SULT6B1: variants seen among roughly 807,000 people sequenced by gnomAD.
SULT6B1 encodes the protein sulfotransferase family 6B member 1.
SULT6B1 carries 44 observed loss-of-function variants against 37.2 expected under a neutral mutation model. The ratio of observed to expected loss-of-function variants is 1.18; its 90% CI spans 0.93 to 1.52. SULT6B1 has a LOEUF of 1.52. SULT6B1 is among the 40% of genes most tolerant of loss of function. The pLI, the probability that SULT6B1 is intolerant of heterozygous loss-of-function variation, is 0.00. For missense variants in SULT6B1, 450 were observed against 361.0 expected (o/e 1.25, Z -2.00); for synonymous variants, 140 against 126.0 (o/e 1.11, Z -0.74).
chr2:37,170,594 C>A (rs1027341303), intron 6 of SULT6B1, among the ~76,000 whole-genome samples: 9 of 151,356 alleles, frequency 5.9e-5, no homozygotes, highest in Middle Eastern at 3.2e-3. Context: ...TATGGCAAAA[C>A]CCTGTCTCTA....
At chr2:37,189,767 C>G (rs538200037), upstream of SULT6B1, 3 of 152,380 alleles carry the variant, frequency 2.0e-5, no homozygotes, top group South Asian at 6.2e-4. Flanking sequence ...CCACTCTCCC[C>G]TTTTTCCTTT....
chr2:37,188,214 A>C (rs573484867), intron 1 of SULT6B1, among the ~76,000 whole-genome samples: 1 of 152,010 alleles, frequency 6.6e-6, no homozygotes, highest in Middle Eastern at 3.4e-3. Context: ...ATCCTCCATC[A>C]TGGCCTTTCC....
chr2:37,174,353 G>C (rs889170665), intron 5 of SULT6B1, among the ~76,000 whole-genome samples: 1 of 147,466 alleles, frequency 6.8e-6, no homozygotes, highest in Admixed American at 7.1e-5. Context: ...TCCTGTCTCA[G>C]CTTCCTGAGT....
At chr2:37,173,673 C>A (rs1361601796) in intron 5 of SULT6B1, among the ~76,000 whole-genome samples, 3 of 152,168 alleles carry the variant, frequency 2.0e-5, no homozygotes, top group Non-Finnish European at 4.4e-5. Context: ...TACTTGACTT[C>A]TCTCCTTGTC....
At chr2:37,191,974 G>A (rs369419817), upstream of SULT6B1, among the ~76,000 whole-genome samples, 10 of 152,176 alleles carry the variant, frequency 6.6e-5, no homozygotes, top group South Asian at 4.1e-4. Context: ...GTGGAAGCAG[G>A]TCGTGGCATG....
intron 1 of SULT6B1, 69 bp from the exon 2 acceptor site, chr2:37,187,536 C>A: frequency 1.1e-6 from 1 of 877,304 alleles, no homozygotes; most frequent in Non-Finnish European, 1.7e-6. Context: ...GTTACTTTAG[C>A]ATATACATGA....
chr2:37,191,241 A>G (rs1485140401), upstream of SULT6B1: 1 of 131,854 alleles, frequency 7.6e-6, no homozygotes, highest in Admixed American at 8.6e-5. Flanking sequence ...AAACAAGGCC[A>G]TGGCATTTTT....
At chr2:37,179,046 C>A (rs1420017250) in intron 4 of SULT6B1, among the ~76,000 whole-genome samples, 3 of 152,182 alleles carry the variant, frequency 2.0e-5, no homozygotes, top group Non-Finnish European at 4.4e-5. Flanking sequence ...GCAATCCCTG[C>A]CTTCTGGGTA....
chr2:37,193,497 T>A (rs1349585319), upstream of SULT6B1, among the ~76,000 whole-genome samples: 1 of 151,080 alleles, frequency 6.6e-6, no homozygotes, highest in African/African-American at 2.4e-5. Flanking sequence ...TTTATTTCCT[T>A]GGCATTAAAG....
chr2:37,168,666 A>G (rs1317320152), intron 6 of SULT6B1, among the ~76,000 whole-genome samples: 1 of 152,192 alleles, frequency 6.6e-6, no homozygotes, highest in Non-Finnish European at 1.5e-5. Context: ...TTCTCTGTAA[A>G]GTCTCTTAAA....
chr2:37,187,170 G>C (rs1676691580), intron 2 of SULT6B1, among the ~76,000 whole-genome samples, 185 bp downstream of exon 2: 1 of 152,138 alleles, frequency 6.6e-6, no homozygotes, highest in Non-Finnish European at 1.5e-5. Flanking sequence ...TTTGTGAAAT[G>C]GTAATAAGGT....
At position 37,171,425 on chromosome 2, in the gene SULT6B1, C is replaced by T. The variant is rs749442091; in HGVS notation, c.781+9G>A. 6.2e-6 allele frequency: 10 copies of T among 1,608,888 alleles called. No individual in the cohort carries two copies. The highest frequency in any genetic ancestry group is 8.5e-6 in the Non-Finnish European group (10 of 1,177,860). ...CTGATAACAATCCCAGAAACCAATG[C>T]GACTTTACCTTTGCGGAAAAGGAAT... On this transcript the variant is annotated intron_variant, in intron 6 of 6. Coordinates refer to ENST00000535679, the MANE Select transcript of SULT6B1 (RefSeq NM_001367551.1).
intron 4 of SULT6B1, among the ~76,000 whole-genome samples, chr2:37,178,730 CA>C (rs1676484320): frequency 6.6e-6 from 1 of 152,170 alleles, no homozygotes; most frequent in South Asian, 2.1e-4. Flanking sequence ...TTATTTCTGA[CA>C]AAAACTTATT....
Position 37,173,048 on chromosome 2 carries a change from T to G in SULT6B1, c.625-1458A>C, listed in dbSNP as rs541438134. On this transcript the variant is annotated intron_variant, in intron 5 of 6. Coordinates refer to ENST00000535679, the MANE Select transcript of SULT6B1 (RefSeq NM_001367551.1). ...TTGTATTTTTAGTAGAGACGGGGTTTCACTGTGTTGGTCAGGCTTGTCTCG... is the reference window on the plus strand; with the variant it reads ...TTGTATTTTTAGTAGAGACGGGGTTGCACTGTGTTGGTCAGGCTTGTCTCG... Among the ~76,000 whole-genome samples, 8 of 151,594 alleles carry G rather than the reference T, an allele frequency of 5.3e-5. No homozygotes were observed. The East Asian group carries it at 1.4e-3, about 26-fold the overall frequency.
rs573119668 is a variant in SULT6B1 at position 37,176,675 on chromosome 2, C to T, written c.530-1449G>A. 2.6e-5 allele frequency among the ~76,000 whole-genome samples: 4 copies of T among 152,226 alleles called. No individual in the cohort carries two copies. The South Asian group carries it at 8.3e-4, about 32-fold the overall frequency. On this transcript the variant is annotated intron_variant, in intron 4 of 6. Transcript: ENST00000535679. The stretch of plus-strand genomic sequence containing the variant: ...TGTGTTTTATTTTCTGTCACAAATA[C>T]CGTAAGTTGCCTACCCAACATCTAA...
chr2:37,172,497 G>T (rs1385090799), intron 5 of SULT6B1, among the ~76,000 whole-genome samples: 1 of 151,904 alleles, frequency 6.6e-6, no homozygotes, highest in East Asian at 1.9e-4. Context: ...AAACAGAAAG[G>T]GTCGATTAAA....
intron 1 of SULT6B1, among the ~76,000 whole-genome samples, chr2:37,188,107 C>CA (rs377320536): frequency 1.1e-3 from 164 of 152,266 alleles, no homozygotes; most frequent in African/African-American, 3.4e-3. Context: ...GAAATCAAGA[C>CA]AAAATCACTG....
intron 1 of SULT6B1, chr2:37,194,592 C>A: frequency 2.7e-6 from 1 of 369,740 alleles, no homozygotes; most frequent in South Asian, 2.2e-5. Flanking sequence ...GCAAAATTTC[C>A]GGATCTCTTT....
In SULT6B1 at chr2:37,171,321, A is replaced by G. The variant is rs1335015015; in HGVS notation, c.781+113T>C. On this transcript the variant is annotated intron_variant, in intron 6 of 6. Coordinates refer to ENST00000535679, the MANE Select transcript of SULT6B1 (RefSeq NM_001367551.1). ...GAGCCTGTGTCCAGACCTCTTACTG[A>G]GGCGGAGAAAAATAAAACCCTATCT... 2.3e-6 allele frequency: 3 copies of G among 1,295,702 alleles called. No individual in the cohort carries two copies. In the Admixed American group the frequency reaches 6.9e-5, roughly 30 times the overall value. 80.3% of individuals were successfully genotyped at this position (1,295,702 alleles called of 1,614,324 possible).
Sources: allele counts gnomAD v4.1 joint callset (sites outside exome capture counted in the v4.1 genomes callset), GRCh38; gene constraint gnomAD v4.1.1; transcripts MANE v1.5; gene names NCBI Gene and HGNC (gene_info 2026-07-23, HGNC 2026-07-21).